Variants in MYOCD observed in about 807,000 individuals in gnomAD.
The protein encoded by MYOCD is myocardin.
A neutral mutation model predicts 96.1 loss-of-function variants in MYOCD; 32 were observed. The ratio of observed to expected loss-of-function variants is 0.33; its 90% CI spans 0.25 to 0.45. The LOEUF is 0.45. MYOCD is among the 20% of genes least tolerant of loss of function. The pLI, the probability that MYOCD is intolerant of heterozygous loss-of-function variation, is 1.00. For synonymous variants in MYOCD, 469 were observed against 469.0 expected (o/e 1.00, Z 0.00); for missense variants, 1,133 against 1,200.6 (o/e 0.94, Z 0.83).
intron 10 of MYOCD, among the ~76,000 whole-genome samples, chr17:12,755,283 A>G (rs1483776009): frequency 1.3e-5 from 2 of 152,104 alleles, no homozygotes; most frequent in African/African-American, 2.4e-5. Flanking sequence ...GTTCACAAAG[A>G]CTCTTTGAAG....
At chr17:12,755,645 G>A (rs554897359) in intron 10 of MYOCD, among the ~76,000 whole-genome samples, 2 of 152,270 alleles carry the variant, frequency 1.3e-5, no homozygotes, top group East Asian at 1.9e-4. Flanking sequence ...AGGCTGAGGC[G>A]GGTGGATCAC....
At position 12,744,471 on chromosome 17, in the gene MYOCD, C is replaced by T; in HGVS notation, c.971+35C>T. 4 of 1,569,274 alleles carry T rather than the reference C, an allele frequency of 2.5e-6. 1 individual carries two copies. In the Middle Eastern group the frequency reaches 6.7e-4, roughly 263 times the overall value. ...GCAAGGCTGGGAGGGTGGCTGTGGG[C>T]AGAGGTTGGGAAGGGTGTCTATTAA... On this transcript the variant is annotated intron_variant, in intron 8 of 13. Transcript: ENST00000425538.
At chr17:12,682,952 T>A (rs1910566369) in intron 1 of MYOCD, among the ~76,000 whole-genome samples, 1 of 151,186 alleles carries the variant, frequency 6.6e-6, no homozygotes, top group Non-Finnish European at 1.5e-5. Context: ...CTGAACAAGC[T>A]TAAGCAAAAA....
intron 8 of MYOCD, 142 bp from the exon 9 acceptor site, chr17:12,745,777 T>C (rs2032645086): frequency 1.2e-6 from 1 of 806,788 alleles, no homozygotes; most frequent in Non-Finnish European, 2.0e-6. Context: ...GCCGGCAGTG[T>C]TGTTTTTCCT....
At position 12,666,121 on chromosome 17, in the gene MYOCD, G is replaced by A. The variant is rs1043103848; in HGVS notation, c.-68G>A. 3.2e-6 allele frequency: 4 copies of A among 1,241,070 alleles called. No homozygotes were observed. Among genetic ancestry groups the A allele is most frequent in the Admixed American group, 1.7e-5 (1 of 58,140 alleles). 76.9% of individuals were successfully genotyped at this position (1,241,070 alleles called of 1,614,324 possible). ...GTTAGCTGCGGTCAGCTGGGCTCCC[G>A]GGAGCCTGTTGCTGGTGGAGAACAG... On this transcript the variant is annotated 5_prime_UTR_variant, in exon 1 of 14. Coordinates refer to ENST00000425538, the MANE Select transcript of MYOCD (RefSeq NM_001146312.3).
chr17:12,697,653 A>G (rs114288593), intron 1 of MYOCD, among the ~76,000 whole-genome samples: 3,267 of 152,098 alleles, frequency 0.021, 42 homozygotes, highest in African/African-American at 0.036. Flanking sequence ...CCACCGGCCT[A>G]GGTATACATT....
chr17:12,673,839 A>G (rs1354461036), intron 1 of MYOCD, among the ~76,000 whole-genome samples: 2 of 152,116 alleles, frequency 1.3e-5, no homozygotes, highest in Non-Finnish European at 2.9e-5. Flanking sequence ...GCTTGTCCCT[A>G]CTGTACAACT....
At chr17:12,757,987 T>C (rs1246316168) in intron 11 of MYOCD, 98 bp from the exon 12 acceptor site, 3 of 910,048 alleles carry the variant, frequency 3.3e-6, no homozygotes, top group African/African-American at 3.3e-5. Flanking sequence ...TCCTCTTAGA[T>C]CAATTTTTCC....
rs762982611 is a variant in MYOCD, at chr17:12,744,476, G to A, written c.971+40G>A. 2.4e-5 allele frequency: 38 copies of A among 1,558,812 alleles called. No individual in the cohort carries two copies. In the East Asian group the frequency reaches 7.7e-4, roughly 32 times the overall value. ...GCTGGGAGGGTGGCTGTGGGCAGAGGTTGGGAAGGGTGTCTATTAATATCT... is the reference window on the plus strand; with the variant it reads ...GCTGGGAGGGTGGCTGTGGGCAGAGATTGGGAAGGGTGTCTATTAATATCT... On this transcript the variant is annotated intron_variant, in intron 8 of 13. Transcript: ENST00000425538.
At chr17:12,732,748 C>T (rs1028744224) in intron 5 of MYOCD, among the ~76,000 whole-genome samples, 9 of 152,114 alleles carry the variant, frequency 5.9e-5, no homozygotes, top group Middle Eastern at 3.2e-3. Context: ...CTAGACTTTT[C>T]GACATCATTC....
chr17:12,752,888 A>G lies in MYOCD; in HGVS notation c.1600A>G (p.Lys534Glu), dbSNP rs2032897896. 3.1e-6 allele frequency: 5 copies of G among 1,614,144 alleles called. No individual in the cohort carries two copies. The highest frequency in any genetic ancestry group is 4.2e-6 in the Non-Finnish European group (5 of 1,180,034). The change falls in exon 10 of 14, where the codon AAA becomes GAA. Residue 534 changes from lysine (K) to glutamate (E), a missense_variant. By Grantham distance (56) the Lys-to-Glu change is moderately conservative (BLOSUM62 1). Transcript: ENST00000425538. Reference sequence around the variant, plus strand: ...GAAGGTGATCAATGAACTCACCTGGAAACTCCAGCAAGAGCAGAGGCAGGT... The same window carrying G: ...GAAGGTGATCAATGAACTCACCTGGGAACTCCAGCAAGAGCAGAGGCAGGT... Reference protein sequence around the residue: ...KQKVINELTWKLQQEQRQVEE... With the variant: ...KQKVINELTWELQQEQRQVEE...
chr17:12,693,236 C>T (rs1350992237), intron 1 of MYOCD, among the ~76,000 whole-genome samples: 4 of 152,014 alleles, frequency 2.6e-5, no homozygotes, highest in Non-Finnish European at 5.9e-5. Flanking sequence ...GCTACTTGTT[C>T]CTGAAGTTCA....
Position 12,739,311 on chromosome 17 carries a change from G to C in MYOCD, c.700G>C (p.Val234Leu). 6.2e-7 allele frequency: 1 copy of C among 1,601,312 alleles called. No homozygotes were observed. Among genetic ancestry groups the C allele is most frequent in the Non-Finnish European group, 8.5e-7 (1 of 1,175,034 alleles). ...GLGPPSTPIAVHAAVKSKSLG... is the reference protein window; with the variant it reads ...GLGPPSTPIALHAAVKSKSLG... ...TGGCCCCCCCAGCACCCCCATAGCC[G>C]TGCATGCTGCTGTAAAGGTACGGAC... The change falls in exon 7 of 14, where the codon GTG becomes CTG. Residue 234 changes from valine to leucine, a missense_variant. Physicochemically the swap from Val to Leu is conservative, Grantham distance 32 (BLOSUM62 1). Coordinates refer to ENST00000425538, the MANE Select transcript of MYOCD (RefSeq NM_001146312.3).
At chr17:12,761,409 G>GC (rs541685902) in intron 13 of MYOCD, 36,567 of 151,798 alleles carry the variant, frequency 0.24, 5,355 homozygotes, top group East Asian at 0.39. Context: ...TCCGTGCTAT[G>GC]ATCAGACAAG....
At chr17:12,675,856 CTCAATCAATCAA>C (rs373008700) in intron 1 of MYOCD, among the ~76,000 whole-genome samples, 61 of 152,248 alleles carry the variant, frequency 4.0e-4, no homozygotes, top group African/African-American at 1.4e-3. Context: ...AAGACTCCGT[CTCAATCAATCAA>C]TCAATCAATC....
chr17:12,758,403 G>A, intron 12 of MYOCD, 190 bp downstream of exon 12: 1 of 846,082 alleles, frequency 1.2e-6, no homozygotes, highest in Non-Finnish European at 1.8e-6. Context: ...TGTGAGGCAG[G>A]GAGAGAAGAG....
intron 1 of MYOCD, among the ~76,000 whole-genome samples, chr17:12,694,708 T>A (rs932792518): frequency 3.9e-5 from 6 of 152,092 alleles, no homozygotes; most frequent in African/African-American, 1.4e-4. Flanking sequence ...GCCTTCAAAT[T>A]TGACATTTCC....
chr17:12,740,915 T>G (rs2032487147), intron 7 of MYOCD, among the ~76,000 whole-genome samples: 1 of 152,034 alleles, frequency 6.6e-6, no homozygotes, highest in South Asian at 2.1e-4. Context: ...ATTTTGTATT[T>G]TTAGTAAAGA....
chr17:12,678,468 G>T (rs183562156), intron 1 of MYOCD, among the ~76,000 whole-genome samples: 8 of 152,122 alleles, frequency 5.3e-5, no homozygotes, highest in Admixed American at 3.3e-4. Flanking sequence ...ACCAGCAAAG[G>T]CTCATGGCTG....
Sources: allele counts gnomAD v4.1 joint callset (sites outside exome capture counted in the v4.1 genomes callset), GRCh38; gene constraint gnomAD v4.1.1; transcripts MANE v1.5; gene names NCBI Gene and HGNC (gene_info 2026-07-23, HGNC 2026-07-21).